ATP13A4: variants seen among roughly 807,000 people sequenced by gnomAD.
ATP13A4 encodes probable cation-transporting ATPase 13A4.
In ATP13A4, 114 loss-of-function variants were observed where a neutral mutation model predicts 142.5. The observed-to-expected ratio is 0.80, with a 90% confidence interval of 0.69 to 0.93. ATP13A4 has a LOEUF of 0.93. ATP13A4 is among the 40% of genes least tolerant of loss of function. The pLI is 0.00. For synonymous variants in ATP13A4, 488 were observed against 514.8 expected (o/e 0.95, Z 0.70); for missense variants, 1,392 against 1,454.0 (o/e 0.96, Z 0.69).
At chr3:193,447,680 T>C (rs1444846040) in intron 18 of ATP13A4, among the ~76,000 whole-genome samples, 1 of 152,226 alleles carries the variant, frequency 6.6e-6, no homozygotes, top group Non-Finnish European at 1.5e-5. Context: ...CTTGTGTGAT[T>C]TACTCTCATT....
At chr3:193,474,429 T>A (rs576141342) in intron 8 of ATP13A4, among the ~76,000 whole-genome samples, 2 of 149,638 alleles carry the variant, frequency 1.3e-5, no homozygotes, top group East Asian at 3.9e-4. Context: ...TGGCGCACAC[T>A]GGAAGCTGAG....
At chr3:193,428,779 C>G (rs1331171391) in intron 25 of ATP13A4, among the ~76,000 whole-genome samples, 1 of 118,416 alleles carries the variant, frequency 8.4e-6, no homozygotes, top group Admixed American at 1.2e-4. Context: ...CATCACACAC[C>G]TAGGCCTGTC....
chr3:193,408,718 T>C (rs745575947), intron 28 of ATP13A4, among the ~76,000 whole-genome samples: 79 of 152,368 alleles, frequency 5.2e-4, no homozygotes, highest in Admixed American at 9.8e-4. Context: ...AAACTCCTGA[T>C]GGGCAACTTT....
intron 1 of ATP13A4, among the ~76,000 whole-genome samples, chr3:193,531,338 G>GAGA (rs1433569429): frequency 7.6e-4 from 103 of 135,148 alleles, no homozygotes; most frequent in African/African-American, 2.0e-3. Flanking sequence ...AAGGAAGGAA[G>GAGA]GGAGGAAGAG....
chr3:193,586,059 AT>A (rs1183989007), intron 1 of ATP13A4, among the ~76,000 whole-genome samples: 1 of 143,092 alleles, frequency 7.0e-6, no homozygotes, highest in African/African-American at 2.6e-5. Flanking sequence ...TGTATATAAA[AT>A]ATATATATAT....
At chr3:193,582,149 CTTT>C (rs61610633) in intron 1 of ATP13A4, among the ~76,000 whole-genome samples, 32 of 124,390 alleles carry the variant, frequency 2.6e-4, no homozygotes, top group South Asian at 5.1e-4. Flanking sequence ...CTTTTCTTTT[CTTT>C]TTTTTTTTTT....
At chr3:193,564,902 C>G (rs528134022) in intron 2 of ATP13A4, among the ~76,000 whole-genome samples, 2 of 152,274 alleles carry the variant, frequency 1.3e-5, no homozygotes, top group African/African-American at 4.8e-5. Context: ...AGCACAAACC[C>G]TACTGTGAAC....
At chr3:193,502,668 G>T in intron 2 of ATP13A4, 29 bp from the exon 3 acceptor site, 8 of 1,607,150 alleles carry the variant, frequency 5.0e-6, no homozygotes, top group Non-Finnish European at 6.8e-6. Context: ...AAACCCCCAA[G>T]AAGTTAAGAG....
intron 2 of ATP13A4, among the ~76,000 whole-genome samples, chr3:193,512,880 C>T (rs973223923): frequency 6.6e-6 from 1 of 152,148 alleles, no homozygotes; most frequent in Non-Finnish European, 1.5e-5. Context: ...ATGTGGGGTG[C>T]CGGGCACTTT....
intron 8 of ATP13A4, among the ~76,000 whole-genome samples, chr3:193,482,800 T>TA (rs1202522579): frequency 3.9e-5 from 6 of 152,198 alleles, no homozygotes; most frequent in African/African-American, 1.4e-4. Context: ...ACTGCTAGTG[T>TA]AAAACGGCGC....
intron 18 of ATP13A4, among the ~76,000 whole-genome samples, 164 bp from the exon 19 acceptor site, chr3:193,442,720 T>G (rs1052061865): frequency 6.6e-6 from 1 of 152,258 alleles, no homozygotes; most frequent in Non-Finnish European, 1.5e-5. Context: ...CCATGATCCC[T>G]TTTCTGGTTC....
At chr3:193,555,968 C>T (rs114080994), upstream of ATP13A4, among the ~76,000 whole-genome samples, 4,842 of 152,202 alleles carry the variant, frequency 0.032, 96 homozygotes, top group Middle Eastern at 0.071. Context: ...GTACATTGTA[C>T]AGCACTGATC....
In ATP13A4 at chr3:193,465,587, A is replaced by G. The variant is rs529258737; in HGVS notation, c.1272+438T>C. On this transcript the variant is annotated intron_variant, in intron 11 of 29. Coordinates refer to ENST00000342695, the MANE Select transcript of ATP13A4 (RefSeq NM_032279.4). ...TATAGCTCTCACTATCTTTCACCAAATAGCAATAAAAAACCCATGTGATTT... is the reference window on the plus strand; with the variant it reads ...TATAGCTCTCACTATCTTTCACCAAGTAGCAATAAAAAACCCATGTGATTT... 9.8e-5 allele frequency among the ~76,000 whole-genome samples: 11 copies of G among 112,768 alleles called. 1 individual carries two copies. In the South Asian group the frequency reaches 2.6e-3, roughly 27 times the overall value. 74.0% of individuals were successfully genotyped at this position (112,768 alleles called of 152,430 possible). A position where few individuals can be genotyped will look rare whatever the true frequency, so the allele number is the denominator to read the frequency against.
intron 17 of ATP13A4, among the ~76,000 whole-genome samples, chr3:193,452,263 G>A (rs1334873020): frequency 6.6e-6 from 1 of 152,114 alleles, no homozygotes; most frequent in Non-Finnish European, 1.5e-5. Context: ...CCCTTCCCTG[G>A]ACGCAAGTTG....
At chr3:193,431,436 T>G (rs557823296) in intron 25 of ATP13A4, among the ~76,000 whole-genome samples, 12 of 152,016 alleles carry the variant, frequency 7.9e-5, no homozygotes, top group Non-Finnish European at 1.5e-4. Context: ...ATAGATAATA[T>G]TAAAGTCATG....
At chr3:193,453,173 AACATTATATGTTTTGCTT>A (rs1316677336) in intron 17 of ATP13A4, among the ~76,000 whole-genome samples, 21 of 152,368 alleles carry the variant, frequency 1.4e-4, no homozygotes, top group African/African-American at 4.8e-4. Context: ...ACCTGTGTGA[AACATTATATGTTTTGCTT>A]TCATTCTTAC....
intron 2 of ATP13A4, among the ~76,000 whole-genome samples, chr3:193,565,711 G>C (rs1450516633): frequency 6.6e-6 from 1 of 152,204 alleles, no homozygotes; most frequent in Admixed American, 6.5e-5. Flanking sequence ...CCTGCAGAGA[G>C]CTCCTTCCCC....
chr3:193,441,388 GA>G, intron 20 of ATP13A4, 77 bp downstream of exon 20: 1 of 1,557,792 alleles, frequency 6.4e-7, no homozygotes, highest in Admixed American at 1.7e-5. Flanking sequence ...CTCAAGATTT[GA>G]AATAATTTAG....
intron 11 of ATP13A4, 99 bp from the exon 12 acceptor site, chr3:193,465,227 GC>G (rs1718201805): frequency 1.5e-6 from 2 of 1,292,604 alleles, no homozygotes; most frequent in Non-Finnish European, 2.2e-6. Flanking sequence ...TGCTCTTGTC[GC>G]CCAGGCTGGA....
Sources: gnomAD v4.1 joint callset for allele counts (sites outside exome capture counted in the v4.1 genomes callset) on GRCh38, gnomAD v4.1.1 for gene constraint, MANE v1.5 for transcripts, NCBI Gene and HGNC (gene_info 2026-07-23, HGNC 2026-07-21) for gene names.